METRN: variants seen among roughly 807,000 people sequenced by gnomAD.
METRN encodes the protein meteorin, glial cell differentiation regulator.
Under a neutral mutation model 17.4 loss-of-function variants are expected in METRN, and 17 were observed. The ratio of observed to expected loss-of-function variants is 0.98; its 90% CI spans 0.67 to 1.46. The LOEUF is 1.46. METRN is among the 40% of genes most tolerant of loss of function. METRN has a pLI of 0.00. For missense variants in METRN, 489 were observed against 456.2 expected, an observed-to-expected ratio of 1.07 and a Z score of -0.65; for synonymous variants, 230 against 210.8, an observed-to-expected ratio of 1.09 and a Z score of -0.79.
At chr16:715,535 G>C (rs1260328606) in intron 1 of METRN, 49 bp from the exon 2 acceptor site, 1 of 1,287,962 alleles carries the variant, frequency 7.8e-7, no homozygotes, top group Non-Finnish European at 9.8e-7. Flanking sequence ...GGGCTGCGCC[G>C]GGCGGGGACC....
Position 715,694 on chromosome 16 carries a change from C to G in METRN, c.215C>G (p.Pro72Arg), listed in dbSNP as rs1419871000. 7.1e-7 allele frequency: 1 copy of G among 1,400,610 alleles called. No homozygotes were observed. Among genetic ancestry groups the G allele is most frequent in the Non-Finnish European group, 9.3e-7 (1 of 1,080,558 alleles). The allele number at this position is 1,400,610 out of a possible 1,614,324, so 86.8% of individuals were successfully genotyped here. ...AGALRLTLGG[P>R]DPRARPGIAC... Reference sequence around the variant, plus strand: ...GCGCTGCGCCTGACCCTGGGCGGCCCCGATCCCAGAGCGCGGCCCGGCATC... The same window carrying G: ...GCGCTGCGCCTGACCCTGGGCGGCCGCGATCCCAGAGCGCGGCCCGGCATC... Residue 72 changes from proline (P) to arginine (R), a missense_variant, in exon 2 of 4, where the codon CCC (proline) becomes CGC (arginine). Pro to Arg is a moderately radical substitution (Grantham distance 103, BLOSUM62 -2). Transcript: ENST00000568223.
chr16:716,628 C>T (rs932343295), intron 2 of METRN: 43 of 1,535,270 alleles, frequency 2.8e-5, no homozygotes, highest in Non-Finnish European at 3.6e-5. Context: ...GTGCATATGT[C>T]AGATGGGAGT....
In METRN at chr16:716,485, G is replaced by C. The variant is rs6600231; in HGVS notation, c.506-448G>C. The C allele has an allele frequency of 2.2e-5, 33 of 1,468,610 alleles. No individual in the cohort carries two copies. In the South Asian group the frequency reaches 3.6e-4, roughly 16 times the overall value. 91.0% of individuals were successfully genotyped at this position (1,468,610 alleles called of 1,614,324 possible). On this transcript the variant is annotated intron_variant, in intron 2 of 3. Transcript: ENST00000568223. ...CTGACCCTGAAAGGGATGGGCTCTC[G>C]CTATTCTGCCCCCTGGCCCTGGGCC...
At chr16:716,430 C>A in intron 2 of METRN, 1 of 1,434,188 alleles carries the variant, frequency 7.0e-7, no homozygotes, top group Non-Finnish European at 9.1e-7. Context: ...CCAGGCCCAG[C>A]TCTTGCTTGG....
rs555309593 is a variant in METRN at position 718,899 on chromosome 16, G to A, written c.*1512G>A. On this transcript the variant is annotated 3_prime_UTR_variant, in exon 4 of 4. Transcript: ENST00000568223. Reference sequence around the variant, plus strand: ...TCTTCAGCCCTGACCACTCCCTGGGGCCCATAGCCTTACATCCATCTGCCC... The same window carrying A: ...TCTTCAGCCCTGACCACTCCCTGGGACCCATAGCCTTACATCCATCTGCCC... 1 of 152,438 alleles carries A rather than the reference G, an allele frequency of 6.6e-6. No individual in the cohort carries two copies. Among genetic ancestry groups the A allele is most frequent in the South Asian group, 2.1e-4 (1 of 4,838 alleles). The allele number at this position is 152,438 out of a possible 1,614,324, so 9.4% of individuals were successfully genotyped here. A position where few individuals can be genotyped will look rare whatever the true frequency, so the allele number is the denominator to read the frequency against.
At position 716,876 on chromosome 16, in the gene METRN, CT is replaced by C. The variant is rs533192643; in HGVS notation, c.506-56del. On this transcript the variant is annotated intron_variant, in intron 2 of 3. Coordinates refer to ENST00000568223, the MANE Select transcript of METRN (RefSeq NM_024042.4). ...CGCTTGTGCGGACAAGGGACGGGGCCTGGGGTGATGCCGGGAGAGGGCAGGG... is the reference window on the plus strand; with the variant it reads ...CGCTTGTGCGGACAAGGGACGGGGCCGGGGTGATGCCGGGAGAGGGCAGGG... 159 of 1,506,462 alleles carry C rather than the reference CT, an allele frequency of 1.1e-4. No individual in the cohort carries two copies. In the African/African-American group the frequency reaches 2.0e-3, roughly 19 times the overall value. The allele number at this position is 1,506,462 out of a possible 1,614,324, so 93.3% of individuals were successfully genotyped here. A position where few individuals can be genotyped will look rare whatever the true frequency, so the allele number is the denominator to read the frequency against.
At chr16:715,441 G>A in intron 1 of METRN, 48 bp downstream of exon 1, 1 of 1,264,696 alleles carries the variant, frequency 7.9e-7, no homozygotes, top group East Asian at 3.2e-5. Context: ...GTGCGCTGCG[G>A]CTAGGACCCC....
chr16:715,722 C>A lies in METRN; in HGVS notation c.243C>A (p.Ala81=). 7.4e-7 allele frequency: 1 copy of A among 1,356,704 alleles called. No homozygotes were observed. Among genetic ancestry groups the A allele is most frequent in the Non-Finnish European group, 9.4e-7 (1 of 1,058,374 alleles). 84.0% of individuals were successfully genotyped at this position (1,356,704 alleles called of 1,614,324 possible). Residue 81 remains alanine (A), a synonymous_variant, in exon 2 of 4, where the codon GCC becomes GCA. Transcript: ENST00000568223. The part of the protein sequence containing the change: ...GPDPRARPGI[A]CLRPVRPFAG... ...ATCCCAGAGCGCGGCCCGGCATCGC[C>A]TGTCTGCGGCCGGTGCGGCCCTTCG...
In METRN at chr16:717,424, G is replaced by C; in HGVS notation, c.*37G>C. The C allele has an allele frequency of 2.2e-6, 3 of 1,357,292 alleles. No homozygotes were observed. The highest frequency in any genetic ancestry group is 2.9e-6 in the Non-Finnish European group (3 of 1,051,228). 84.1% of individuals were successfully genotyped at this position (1,357,292 alleles called of 1,614,324 possible). A position where few individuals can be genotyped will look rare whatever the true frequency, so the allele number is the denominator to read the frequency against. On this transcript the variant is annotated 3_prime_UTR_variant, in exon 4 of 4. Transcript: ENST00000568223. The stretch of plus-strand genomic sequence containing the variant: ...CTGGGGAGGGGCTGGTAGGAGGGAG[G>C]GTGGGCCCACTGCTTTGGAGGTGAT...
At position 715,372 on chromosome 16, in the gene METRN, A is replaced by G. The variant is rs1315448408; in HGVS notation, c.83A>G (p.Glu28Gly). The change falls in exon 1 of 4, where the codon GAG becomes GGG. Residue 28 changes from glutamate to glycine, a missense_variant. Glu to Gly is a moderately conservative substitution (Grantham distance 98, BLOSUM62 -2). Coordinates refer to ENST00000568223, the MANE Select transcript of METRN (RefSeq NM_024042.4). ...GCTGCCCGCGCCGGCTACTCCGAGG[A>G]GCGCTGCAGCTGGAGGGGCAGGTAC... The part of the protein sequence containing the change: ...APAARAGYSE[E>G]RCSWRGSGLT... 7.5e-7 allele frequency: 1 copy of G among 1,334,174 alleles called. No individual in the cohort carries two copies. The highest frequency in any genetic ancestry group is 1.8e-5 in the South Asian group (1 of 54,574). The allele number at this position is 1,334,174 out of a possible 1,614,324, so 82.6% of individuals were successfully genotyped here.
Position 715,941 on chromosome 16 carries a change from G to T in METRN, c.462G>T (p.Gly154=). Residue 154 remains glycine, a synonymous_variant, in exon 2 of 4, where the codon GGG becomes GGT. Coordinates refer to ENST00000568223, the MANE Select transcript of METRN (RefSeq NM_024042.4). The stretch of plus-strand genomic sequence containing the variant: ...TCCGCTTTGAGCTGCGCGAGGACGG[G>T]CGCCCCGAGCTGCCCCCGCAGGCCC... The part of the protein sequence containing the change: ...AAFRFELRED[G]RPELPPQAHG... The T allele has an allele frequency of 6.0e-6, 9 of 1,498,866 alleles. No homozygotes were observed. The highest frequency in any genetic ancestry group is 8.0e-6 in the Non-Finnish European group (9 of 1,130,704). 92.8% of individuals were successfully genotyped at this position (1,498,866 alleles called of 1,614,324 possible).
Position 718,250 on chromosome 16 carries a change from G to A in METRN, c.*863G>A, listed in dbSNP as rs2040177589. Reference sequence around the variant, plus strand: ...GAGGTTTGGGACAGCCACAGCCCAAGGCTCCGAGGCTAAAAGCCCCTGGGT... The same window carrying A: ...GAGGTTTGGGACAGCCACAGCCCAAAGCTCCGAGGCTAAAAGCCCCTGGGT... On this transcript the variant is annotated 3_prime_UTR_variant, in exon 4 of 4. Coordinates refer to ENST00000568223, the MANE Select transcript of METRN (RefSeq NM_024042.4). 6.6e-6 allele frequency: 1 copy of A among 152,298 alleles called. No individual in the cohort carries two copies. The allele number at this position is 152,298 out of a possible 1,614,324, so 9.4% of individuals were successfully genotyped here.
In METRN at chr16:715,720, G is replaced by A. The variant is rs907897826; in HGVS notation, c.241G>A (p.Ala81Thr). ...GPDPRARPGI[A>T]CLRPVRPFAG... is the part of the protein sequence containing the mutation. ...CGATCCCAGAGCGCGGCCCGGCATC[G>A]CCTGTCTGCGGCCGGTGCGGCCCTT... Residue 81 changes from alanine to threonine, a missense_variant, in exon 2 of 4, where the codon GCC becomes ACC. Physicochemically the swap from Ala to Thr is moderately conservative, Grantham distance 58. Transcript: ENST00000568223. 5 of 1,363,278 alleles carry A rather than the reference G, an allele frequency of 3.7e-6. No individual in the cohort carries two copies. In the Admixed American group the frequency reaches 1.4e-4, roughly 38 times the overall value. The allele number at this position is 1,363,278 out of a possible 1,614,324, so 84.4% of individuals were successfully genotyped here.
Position 715,740 on chromosome 16 carries a change from G to A in METRN, c.261G>A (p.Arg87=). ...GCATCGCCTGTCTGCGGCCGGTGCG[G>A]CCCTTCGCGGGCGCCCAGGTCTTCG... is the stretch of plus-strand genomic sequence containing the variant. ...RPGIACLRPV[R]PFAGAQVFAE... is the part of the protein sequence containing the mutation. The change falls in exon 2 of 4, where the codon CGG becomes CGA. Residue 87 remains arginine (R), a synonymous_variant. Coordinates refer to ENST00000568223, the MANE Select transcript of METRN (RefSeq NM_024042.4). 1.5e-6 allele frequency: 2 copies of A among 1,298,882 alleles called. No individual in the cohort carries two copies. The highest frequency in any genetic ancestry group is 1.9e-6 in the Non-Finnish European group (2 of 1,028,156). The allele number at this position is 1,298,882 out of a possible 1,614,324, so 80.5% of individuals were successfully genotyped here.
At position 718,609 on chromosome 16, in the gene METRN, T is replaced by C; in HGVS notation, c.*1222T>C. On this transcript the variant is annotated 3_prime_UTR_variant, in exon 4 of 4. Coordinates refer to ENST00000568223, the MANE Select transcript of METRN (RefSeq NM_024042.4). ...TGGACACCTGGGGAGGGGGGTCACC[T>C]CCAGCGCCGCCCTGGGACTTCCACT... is the stretch of plus-strand genomic sequence containing the variant. 1 of 152,276 alleles carries C rather than the reference T, an allele frequency of 6.6e-6. No homozygotes were observed. The highest frequency in any genetic ancestry group is 1.5e-5 in the Non-Finnish European group (1 of 68,394). 9.4% of individuals were successfully genotyped at this position (152,276 alleles called of 1,614,324 possible).
chr16:715,600 C>T lies in METRN; in HGVS notation c.121C>T (p.Pro41Ser). ...TGTCCCCAGCGGCCTCACCCAGGAG[C>T]CCGGCAGCGTGGGGCAGCTGGCCCT... ...SWRGSGLTQE[P>S]GSVGQLALAC... The change falls in exon 2 of 4, where the codon CCC (proline) becomes TCC (serine). Residue 41 changes from proline (P) to serine (S), a missense_variant. Transcript: ENST00000568223. 7.2e-7 allele frequency: 1 copy of T among 1,390,656 alleles called. No individual in the cohort carries two copies. The highest frequency in any genetic ancestry group is 9.3e-7 in the Non-Finnish European group (1 of 1,078,008). The allele number at this position is 1,390,656 out of a possible 1,614,324, so 86.1% of individuals were successfully genotyped here.
At position 716,986 on chromosome 16, in the gene METRN, G is replaced by C; in HGVS notation, c.559G>C (p.Asp187His). The change falls in exon 3 of 4, where the codon GAC (aspartate) becomes CAC (histidine). Residue 187 changes from aspartate to histidine, a missense_variant. Physicochemically the swap from Asp to His is moderately conservative, Grantham distance 81. Coordinates refer to ENST00000568223, the MANE Select transcript of METRN (RefSeq NM_024042.4). The part of the protein sequence containing the change: ...AELLLAACTS[D>H]FVIHGIIHGV... ...GCTGCTCCTGGCCGCATGCACCAGCGACTTCGGTGAGTGTCCCCGCCATGG... is the reference window on the plus strand; with the variant it reads ...GCTGCTCCTGGCCGCATGCACCAGCCACTTCGGTGAGTGTCCCCGCCATGG... 6.2e-7 allele frequency: 1 copy of C among 1,605,930 alleles called. No homozygotes were observed. The highest frequency in any genetic ancestry group is 8.5e-7 in the Non-Finnish European group (1 of 1,175,706).
At position 717,296 on chromosome 16, in the gene METRN, T is replaced by G. The variant is rs1416335632; in HGVS notation, c.791T>G (p.Leu264Arg). ...MGWSRFGEARLGCAPRFQEFR... is the reference protein window; with the variant it reads ...MGWSRFGEARRGCAPRFQEFR... Reference sequence around the variant, plus strand: ...TGGAGCCGCTTTGGGGAGGCCCGGCTGGGCTGTGCCCCACGATTCCAGGAG... The same window carrying G: ...TGGAGCCGCTTTGGGGAGGCCCGGCGGGGCTGTGCCCCACGATTCCAGGAG... The change falls in exon 4 of 4, where the codon CTG (leucine) becomes CGG (arginine). Residue 264 changes from leucine (L) to arginine (R), a missense_variant. Transcript: ENST00000568223. The G allele has an allele frequency of 2.0e-6, 3 of 1,531,030 alleles. No homozygotes were observed. Among genetic ancestry groups the G allele is most frequent in the Non-Finnish European group, 2.6e-6 (3 of 1,140,976 alleles). 94.8% of individuals were successfully genotyped at this position (1,531,030 alleles called of 1,614,324 possible). A position where few individuals can be genotyped will look rare whatever the true frequency, so the allele number is the denominator to read the frequency against.
intron 2 of METRN, chr16:716,484 C>T (rs1267504937): frequency 1.1e-5 from 16 of 1,468,900 alleles, no homozygotes; most frequent in East Asian, 2.5e-5. Context: ...GATGGGCTCT[C>T]GCTATTCTGC....
Sources: gnomAD v4.1 joint callset for allele counts on GRCh38, gnomAD v4.1.1 for gene constraint, MANE v1.5 for transcripts, NCBI Gene and HGNC (gene_info 2026-07-23, HGNC 2026-07-21) for gene names.